ACYP2: variants seen among roughly 807,000 people sequenced by gnomAD.
ACYP2 encodes acylphosphatase 2, also known as acylphosphatase-2.
A neutral mutation model predicts 11.2 loss-of-function variants in ACYP2; 12 were observed. That is an observed-to-expected ratio of 1.08 (90% CI 0.69 to 1.74). The LOEUF is 1.74. ACYP2 is among the 40% of genes most tolerant of loss of function. ACYP2 has a pLI of 0.00. For missense variants in ACYP2, 134 were observed against 101.9 expected (o/e 1.31, Z -1.35); for synonymous variants, 43 against 32.2 (o/e 1.33, Z -1.13).
At chr2:54,290,954 G>A (rs144136729) in intron 6 of ACYP2, among the ~76,000 whole-genome samples, 2 of 152,264 alleles carry the variant, frequency 1.3e-5, no homozygotes, top group East Asian at 1.9e-4. Flanking sequence ...GAACAGAACC[G>A]TAAAGATGTA....
intron 4 of ACYP2, among the ~76,000 whole-genome samples, chr2:54,125,719 C>T (rs1318569426): frequency 1.3e-5 from 2 of 151,574 alleles, no homozygotes; most frequent in Admixed American, 6.6e-5. Context: ...CATTGCACTC[C>T]AGCCTGGGGA....
chr2:54,225,486 T>TAA (rs1685976131), intron 6 of ACYP2, among the ~76,000 whole-genome samples: 1 of 152,198 alleles, frequency 6.6e-6, no homozygotes, highest in Admixed American at 6.5e-5. Flanking sequence ...CATGATCTTC[T>TAA]TTACAGTTTT....
At chr2:54,213,696 T>C (rs1254008032) in intron 6 of ACYP2, among the ~76,000 whole-genome samples, 2 of 152,194 alleles carry the variant, frequency 1.3e-5, no homozygotes, top group East Asian at 3.9e-4. Context: ...CATTTTTTCA[T>C]GTGCTGTTGG....
intron 6 of ACYP2, among the ~76,000 whole-genome samples, chr2:54,195,614 G>A (rs1684432179): frequency 3.6e-5 from 5 of 140,276 alleles, no homozygotes; most frequent in Admixed American, 2.3e-4. Flanking sequence ...CAGCCACGTT[G>A]CAAGAATGAA....
chr2:54,249,034 C>G (rs1177817864), intron 6 of ACYP2, among the ~76,000 whole-genome samples: 1 of 151,688 alleles, frequency 6.6e-6, no homozygotes, highest in Non-Finnish European at 1.5e-5. Flanking sequence ...TGAGTGGACT[C>G]TGGTAAGAAT....
At chr2:54,115,466 T>G in intron 4 of ACYP2, 149 bp from the exon 1 acceptor site, 1 of 1,135,630 alleles carries the variant, frequency 8.8e-7, no homozygotes. Context: ...AGGCCTAGGA[T>G]GCCTGGGGCC....
chr2:53,972,421 A>G (rs1205985948), intron 1 of ACYP2, among the ~76,000 whole-genome samples: 4 of 151,398 alleles, frequency 2.6e-5, no homozygotes, highest in African/African-American at 7.3e-5. Context: ...CCTGGCTAAC[A>G]TGGTGAAACC....
chr2:53,980,463 A>T (rs1407450175), intron 2 of ACYP2, among the ~76,000 whole-genome samples: 2 of 152,110 alleles, frequency 1.3e-5, no homozygotes, highest in African/African-American at 4.8e-5. Flanking sequence ...CACACCTGTA[A>T]TCCCAGCACT....
Position 54,103,216 on chromosome 2 carries a change from G to A in ACYP2, c.278-32237G>A, listed in dbSNP as rs575213466. ...ACATGTTGGAGTGTGTGAGAAAGAAGTTTTCTATCAAAAGTTGGGGAGAAG... is the reference window on the plus strand; with the variant it reads ...ACATGTTGGAGTGTGTGAGAAAGAAATTTTCTATCAAAAGTTGGGGAGAAG... On this transcript the variant is annotated intron_variant, in intron 4 of 6. Transcript: ENST00000607452. Among the ~76,000 whole-genome samples, 8 of 152,306 alleles carry A rather than the reference G, an allele frequency of 5.3e-5. No homozygotes were observed. The South Asian group carries it at 1.7e-3, about 32-fold the overall frequency.
chr2:54,019,652 C>T (rs1673895365), intron 2 of ACYP2, among the ~76,000 whole-genome samples: 1 of 150,888 alleles, frequency 6.6e-6, no homozygotes, highest in African/African-American at 2.4e-5. Flanking sequence ...CGGAGTCTCA[C>T]TCCGTCACCC....
chr2:54,298,078 AG>A (rs1689588779), intron 6 of ACYP2, among the ~76,000 whole-genome samples: 1 of 152,220 alleles, frequency 6.6e-6, no homozygotes, highest in Non-Finnish European at 1.5e-5. Context: ...TAATTAGAAT[AG>A]TTTGGTACTG....
chr2:54,091,002 A>G (rs1037465798), intron 4 of ACYP2, among the ~76,000 whole-genome samples: 1 of 152,242 alleles, frequency 6.6e-6, no homozygotes, highest in Non-Finnish European at 1.5e-5. Context: ...GAACGCTGAC[A>G]TAATTGTTGA....
intron 2 of ACYP2, among the ~76,000 whole-genome samples, chr2:54,012,607 C>T (rs1364537808): frequency 1.3e-5 from 2 of 152,054 alleles, no homozygotes; most frequent in Non-Finnish European, 2.9e-5. Flanking sequence ...TGGTACAGCA[C>T]TGAGGCCGTC....
At chr2:54,287,788 C>T (rs536413896) in intron 6 of ACYP2, among the ~76,000 whole-genome samples, 1 of 152,124 alleles carries the variant, frequency 6.6e-6, no homozygotes, top group African/African-American at 2.4e-5. Flanking sequence ...CTCAGAGCTG[C>T]TCTTGGCAAG....
At chr2:54,097,694 G>T (rs1678665712) in intron 4 of ACYP2, among the ~76,000 whole-genome samples, 1 of 151,926 alleles carries the variant, frequency 6.6e-6, no homozygotes, top group African/African-American at 2.4e-5. Flanking sequence ...ATTCTCGGGG[G>T]AGGAAGGGGT....
At chr2:54,123,909 CTG>C (rs1483507807) in intron 4 of ACYP2, among the ~76,000 whole-genome samples, 4 of 152,178 alleles carry the variant, frequency 2.6e-5, no homozygotes, top group Non-Finnish European at 4.4e-5. Context: ...ATAAGGAAGT[CTG>C]GGAAACATCA....
rs553130102 is a variant in ACYP2, at chr2:53,986,591, A to G, written c.62+12781A>G. Among the ~76,000 whole-genome samples, 14 of 148,094 alleles carry G rather than the reference A, an allele frequency of 9.5e-5. No individual in the cohort carries two copies. The South Asian group carries it at 1.5e-3, about 16-fold the overall frequency. The stretch of plus-strand genomic sequence containing the variant: ...ACCTCAAGTGATCCTCGGCCTCCCA[A>G]AGTGCTGGAATTACAGGCGTGAGCC... On this transcript the variant is annotated intron_variant, in intron 2 of 6. Coordinates refer to ENST00000607452, the MANE Select transcript of ACYP2 (RefSeq NM_001320586.2).
intron 4 of ACYP2, among the ~76,000 whole-genome samples, chr2:54,134,982 TC>T (rs1232171466): frequency 6.6e-6 from 1 of 152,260 alleles, no homozygotes; most frequent in Non-Finnish European, 1.5e-5. Flanking sequence ...ACAATGTTTT[TC>T]TTTCCTTATC....
intron 2 of ACYP2, among the ~76,000 whole-genome samples, chr2:54,008,411 T>C (rs1170787578): frequency 6.6e-6 from 1 of 152,230 alleles, no homozygotes; most frequent in Admixed American, 6.5e-5. Flanking sequence ...GGTTGCCTCA[T>C]GTGCACCTTA....
Sources: allele counts gnomAD v4.1 joint callset (sites outside exome capture counted in the v4.1 genomes callset), GRCh38; gene constraint gnomAD v4.1.1; transcripts MANE v1.5; gene names NCBI Gene and HGNC (gene_info 2026-07-23, HGNC 2026-07-21).